The following KCNH7 variants were observed in gnomAD, a reference collection of about 807,000 sequenced individuals.
KCNH7 encodes voltage-gated inwardly rectifying potassium channel KCNH7.
KCNH7 carries 49 observed loss-of-function variants against 120.8 expected under a neutral mutation model. The ratio of observed to expected loss-of-function variants is 0.41; its 90% CI spans 0.32 to 0.51. The LOEUF is 0.51. Ranked by LOEUF, KCNH7 falls within the 20% of genes least tolerant of loss-of-function variation. The pLI is 0.38. For synonymous variants in KCNH7, 547 were observed against 516.1 expected (o/e 1.06, Z -0.81); for missense variants, 1,097 against 1,446.6 (o/e 0.76, Z 3.92).
intron 6 of KCNH7, among the ~76,000 whole-genome samples, chr2:162,457,856 G>A (rs533319305): frequency 3.9e-5 from 6 of 152,108 alleles, no homozygotes; most frequent in South Asian, 4.2e-4. Flanking sequence ...AACTCCCCAG[G>A]CTTTTCAGCA....
intron 2 of KCNH7, among the ~76,000 whole-genome samples, chr2:162,694,607 A>T (rs1180207494): frequency 6.6e-6 from 1 of 152,044 alleles, no homozygotes; most frequent in Non-Finnish European, 1.5e-5. Context: ...ATCAGAGGTT[A>T]TCTCATTAGT....
At chr2:162,534,530 G>A (rs1271938822) in intron 3 of KCNH7, among the ~76,000 whole-genome samples, 1 of 151,476 alleles carries the variant, frequency 6.6e-6, no homozygotes, top group Admixed American at 6.6e-5. Context: ...GGGAAATAAT[G>A]TCTAGCAAAA....
chr2:162,432,737 A>G (rs1377069385), intron 8 of KCNH7, among the ~76,000 whole-genome samples: 1 of 152,036 alleles, frequency 6.6e-6, no homozygotes, highest in Non-Finnish European at 1.5e-5. Context: ...AAGCATTCCC[A>G]TTAAGCAGGA....
intron 2 of KCNH7, among the ~76,000 whole-genome samples, chr2:162,759,801 G>A (rs887372103): frequency 1.3e-5 from 2 of 152,030 alleles, no homozygotes; most frequent in Non-Finnish European, 2.9e-5. Context: ...AGAGAATTTT[G>A]AAACAATGTA....
chr2:162,451,337 T>G (rs1688764777), intron 6 of KCNH7, among the ~76,000 whole-genome samples: 2 of 152,128 alleles, frequency 1.3e-5, no homozygotes, highest in Non-Finnish European at 2.9e-5. Context: ...ACGAACCAAC[T>G]CTATCCAAAA....
intron 2 of KCNH7, among the ~76,000 whole-genome samples, chr2:162,811,720 C>A (rs780380105): frequency 6.6e-6 from 1 of 152,044 alleles, no homozygotes; most frequent in African/African-American, 2.4e-5. Context: ...TTGCATAGCA[C>A]AATTATCCTT....
intron 9 of KCNH7, among the ~76,000 whole-genome samples, chr2:162,401,972 C>T (rs893432990): frequency 6.6e-6 from 1 of 151,822 alleles, no homozygotes; most frequent in Non-Finnish European, 1.5e-5. Flanking sequence ...CAGCTCGGTG[C>T]TGCTACAGGA....
intron 2 of KCNH7, among the ~76,000 whole-genome samples, chr2:162,803,769 T>G (rs1573907211): frequency 6.6e-6 from 1 of 151,762 alleles, no homozygotes; most frequent in East Asian, 1.9e-4. Flanking sequence ...GAACATTTAT[T>G]GAAACTTGGA....
At chr2:162,695,965 C>A (rs1574276946) in intron 2 of KCNH7, among the ~76,000 whole-genome samples, 2 of 152,230 alleles carry the variant, frequency 1.3e-5, no homozygotes, top group Admixed American at 1.3e-4. Flanking sequence ...AAATCCTGAA[C>A]CCTAACTATT....
intron 6 of KCNH7, among the ~76,000 whole-genome samples, chr2:162,474,401 A>T (rs1574002754): frequency 1.3e-5 from 2 of 152,366 alleles, no homozygotes; most frequent in East Asian, 3.9e-4. Context: ...CATAGCAAAA[A>T]TAGTTTCACT....
At chr2:162,420,588 T>C (rs573947397) in intron 9 of KCNH7, among the ~76,000 whole-genome samples, 37 of 152,300 alleles carry the variant, frequency 2.4e-4, no homozygotes, top group Admixed American at 2.0e-3. Flanking sequence ...GATTAAAGGA[T>C]ATGGCCACTC....
intron 2 of KCNH7, among the ~76,000 whole-genome samples, chr2:162,545,140 G>A (rs527794571): frequency 7.2e-4 from 109 of 152,222 alleles, no homozygotes; most frequent in African/African-American, 2.5e-3. Flanking sequence ...CCCGAAGAGT[G>A]AGATGTTAAC....
intron 13 of KCNH7, among the ~76,000 whole-genome samples, chr2:162,381,899 G>T (rs2105406601): frequency 6.6e-6 from 1 of 152,174 alleles, no homozygotes; most frequent in South Asian, 2.1e-4. Flanking sequence ...AGCAAACTGG[G>T]ATTTAAAGAT....
chr2:162,389,043 C>A (rs1686663692), intron 12 of KCNH7, among the ~76,000 whole-genome samples: 1 of 151,956 alleles, frequency 6.6e-6, no homozygotes, highest in African/African-American at 2.4e-5. Flanking sequence ...GAACCATCTG[C>A]GTCCAATCTT....
intron 2 of KCNH7, among the ~76,000 whole-genome samples, chr2:162,753,957 A>C (rs997649492): frequency 2.6e-5 from 4 of 151,916 alleles, no homozygotes; most frequent in Non-Finnish European, 5.9e-5. Flanking sequence ...TAAATATTAT[A>C]ATAAATAACA....
intron 2 of KCNH7, among the ~76,000 whole-genome samples, chr2:162,604,723 CTATT>C (rs1694673832): frequency 6.6e-6 from 1 of 152,136 alleles, no homozygotes; most frequent in South Asian, 2.1e-4. Flanking sequence ...TACTTCAACT[CTATT>C]TATCGTTTTT....
intron 3 of KCNH7, among the ~76,000 whole-genome samples, chr2:162,533,869 A>T (rs1692017958): frequency 6.6e-6 from 1 of 151,538 alleles, no homozygotes; most frequent in Admixed American, 6.6e-5. Context: ...CTGTAATATC[A>T]CTTTTTTTTC....
intron 3 of KCNH7, among the ~76,000 whole-genome samples, chr2:162,522,354 A>C (rs1485293369): frequency 6.6e-6 from 1 of 151,912 alleles, no homozygotes; most frequent in Non-Finnish European, 1.5e-5. Context: ...ATTAATTACC[A>C]CATAGGCATT....
intron 2 of KCNH7, among the ~76,000 whole-genome samples, chr2:162,738,648 CA>C (rs1356972690): frequency 6.6e-6 from 1 of 152,200 alleles, no homozygotes; most frequent in East Asian, 1.9e-4. Context: ...AAAAGAAAAT[CA>C]GTGTGTTTGT....
Sources: allele counts gnomAD v4.1 joint callset (sites outside exome capture counted in the v4.1 genomes callset), GRCh38; gene constraint gnomAD v4.1.1; transcripts MANE v1.5; gene names NCBI Gene and HGNC (gene_info 2026-07-23, HGNC 2026-07-21).